The following SOX5 variants were observed in gnomAD, a reference collection of about 807,000 sequenced individuals.
The protein encoded by SOX5 is SRY-box transcription factor 5.
Under a neutral mutation model 92.0 loss-of-function variants are expected in SOX5, and 9 were observed. The ratio of observed to expected loss-of-function variants is 0.10; its 90% confidence interval spans 0.06 to 0.17. The LOEUF (loss-of-function observed/expected upper bound fraction) is 0.17, where lower values mean the gene tolerates loss of function less well. Ranked by LOEUF, SOX5 falls within the 10% of genes least tolerant of loss-of-function variation. The pLI is 1.00. For synonymous variants in SOX5, 344 were observed against 336.3 expected, an observed-to-expected ratio of 1.02 and a Z score of -0.25; for missense variants, 642 against 944.5, an observed-to-expected ratio of 0.68 and a Z score of 4.20.
intron 8 of SOX5, among the ~76,000 whole-genome samples, chr12:23,612,677 A>G (rs551320683): frequency 1.3e-5 from 2 of 152,296 alleles, no homozygotes; most frequent in South Asian, 4.1e-4. Flanking sequence ...ATTATGATTT[A>G]AAAAAATTGT....
chr12:24,060,640 C>G (rs954718627), intron 4 of SOX5, among the ~76,000 whole-genome samples: 1 of 152,186 alleles, frequency 6.6e-6, no homozygotes, highest in African/African-American at 2.4e-5. Flanking sequence ...GGCATAGGAC[C>G]ATACCCTAGC....
At chr12:24,281,830 C>T (rs1481116436) in intron 2 of SOX5, among the ~76,000 whole-genome samples, 1 of 152,124 alleles carries the variant, frequency 6.6e-6, no homozygotes, top group Non-Finnish European at 1.5e-5. Flanking sequence ...CTAAAGTACT[C>T]TTGACACAGA....
intron 3 of SOX5, among the ~76,000 whole-genome samples, chr12:24,262,546 C>T (rs11047335): frequency 7.2e-5 from 11 of 152,130 alleles, no homozygotes; most frequent in South Asian, 2.1e-4. Context: ...TTAAACCAAA[C>T]GCCCACGATT....
At chr12:24,543,270 T>C (rs750917865) in intron 1 of SOX5, among the ~76,000 whole-genome samples, 4 of 152,238 alleles carry the variant, frequency 2.6e-5, no homozygotes, top group Non-Finnish European at 4.4e-5. Context: ...CTGCTTACCA[T>C]TGTAACCCCC....
intron 1 of SOX5, among the ~76,000 whole-genome samples, chr12:24,490,339 T>A (rs1385122708): frequency 6.6e-6 from 1 of 152,210 alleles, no homozygotes; most frequent in East Asian, 1.9e-4. Context: ...CCCAAGATTG[T>A]TCTCAAGATG....
intron 2 of SOX5, among the ~76,000 whole-genome samples, chr12:24,336,472 T>C (rs577559117): frequency 8.5e-4 from 130 of 152,118 alleles, no homozygotes; most frequent in Non-Finnish European, 1.4e-3. Context: ...TGTTTTGAGA[T>C]TGGGGGAAAG....
chr12:23,599,129 G>A (rs1016093007), intron 9 of SOX5, among the ~76,000 whole-genome samples: 14 of 152,160 alleles, frequency 9.2e-5, no homozygotes, highest in East Asian at 1.9e-4. Flanking sequence ...AGGAGTCATC[G>A]GCACTGCTGA....
chr12:23,878,406 C>A (rs2096952277), intron 2 of SOX5, among the ~76,000 whole-genome samples: 1 of 151,888 alleles, frequency 6.6e-6, no homozygotes, highest in African/African-American at 2.4e-5. Context: ...GTACCTTTTT[C>A]TTTATGTAGT....
intron 6 of SOX5, among the ~76,000 whole-genome samples, chr12:23,666,534 C>T (rs1415548168): frequency 4.6e-5 from 7 of 152,156 alleles, no homozygotes; most frequent in Admixed American, 2.6e-4. Context: ...AGCAAGATCT[C>T]GCTGGTGAAA....
intron 6 of SOX5, among the ~76,000 whole-genome samples, chr12:23,701,073 T>C (rs970414179): frequency 1.3e-5 from 2 of 152,178 alleles, no homozygotes; most frequent in African/African-American, 4.8e-5. Flanking sequence ...TGTTTTAATC[T>C]GTAATTTCAT....
chr12:23,846,937 G>T (rs1405018485), intron 2 of SOX5, among the ~76,000 whole-genome samples: 1 of 152,070 alleles, frequency 6.6e-6, no homozygotes, highest in Non-Finnish European at 1.5e-5. Context: ...CTTCTTCATA[G>T]TCATGTGGGT....
chr12:24,272,630 A>C (rs1943907513), intron 3 of SOX5, among the ~76,000 whole-genome samples: 2 of 152,326 alleles, frequency 1.3e-5, no homozygotes, highest in South Asian at 4.1e-4. Context: ...TGATCATATG[A>C]CTGTTTTAAT....
chr12:24,396,114 G>A (rs1308970305), intron 1 of SOX5, among the ~76,000 whole-genome samples: 1 of 152,172 alleles, frequency 6.6e-6, no homozygotes, highest in African/African-American at 2.4e-5. Context: ...AACTGAAAAG[G>A]TACTATTTTA....
chr12:23,581,399 C>A (rs1950023696), intron 9 of SOX5, among the ~76,000 whole-genome samples: 1 of 152,080 alleles, frequency 6.6e-6, no homozygotes, highest in Non-Finnish European at 1.5e-5. Context: ...TTATTCACAT[C>A]TTTATTCATT....
At chr12:23,770,306 G>A (rs1244977752) in intron 3 of SOX5, among the ~76,000 whole-genome samples, 4 of 151,808 alleles carry the variant, frequency 2.6e-5, no homozygotes, top group Non-Finnish European at 5.9e-5. Context: ...CAACGCAGAG[G>A]ACTACTACTC....
chr12:24,097,660 G>T (rs1212217202), intron 4 of SOX5, among the ~76,000 whole-genome samples: 2 of 152,012 alleles, frequency 1.3e-5, no homozygotes, highest in East Asian at 1.9e-4. Flanking sequence ...AGTCAGGAAT[G>T]AATTAATTAG....
At chr12:23,587,325 G>A (rs756726722) in intron 9 of SOX5, among the ~76,000 whole-genome samples, 2 of 151,960 alleles carry the variant, frequency 1.3e-5, no homozygotes, top group Non-Finnish European at 2.9e-5. Flanking sequence ...TAAAGAGAAG[G>A]AGGTTGAAGA....
intron 4 of SOX5, among the ~76,000 whole-genome samples, chr12:24,032,064 G>C (rs898902534): frequency 6.6e-6 from 1 of 151,742 alleles, no homozygotes; most frequent in Non-Finnish European, 1.5e-5. Context: ...AATTAGAATG[G>C]GGAAGAGGAG....
chr12:24,201,154 T>A (rs548571758), intron 4 of SOX5, among the ~76,000 whole-genome samples: 10 of 152,224 alleles, frequency 6.6e-5, no homozygotes, highest in Non-Finnish European at 1.3e-4. Context: ...AGAATCTCTC[T>A]GTTAAATCAT....
Sources: allele counts gnomAD v4.1 joint callset (sites outside exome capture counted in the v4.1 genomes callset), GRCh38; gene constraint gnomAD v4.1.1; transcripts MANE v1.5; gene names NCBI Gene and HGNC (gene_info 2026-07-23, HGNC 2026-07-21).